PTER: variants seen among roughly 807,000 people sequenced by gnomAD.
The protein encoded by PTER is N-acetyltaurine hydrolase.
PTER carries 38 observed loss-of-function variants against 29.6 expected under a neutral mutation model. The ratio of observed to expected loss-of-function variants is 1.28; its 90% CI spans 0.99 to 1.68. The LOEUF (loss-of-function observed/expected upper bound fraction) is 1.68. PTER is among the 40% of genes most tolerant of loss of function. PTER has a pLI of 0.00. For synonymous variants in PTER, 172 were observed against 154.5 expected (o/e 1.11, Z -0.84); for missense variants, 482 against 427.8 (o/e 1.13, Z -1.12).
At chr10:16,496,446 G>A (rs968622378) in intron 3 of PTER, among the ~76,000 whole-genome samples, 5 of 152,166 alleles carry the variant, frequency 3.3e-5, no homozygotes, top group Non-Finnish European at 7.3e-5. Flanking sequence ...CCCTGTATTG[G>A]TTGTCCTTAT....
chr10:16,487,579 T>G (rs546608147), intron 3 of PTER, among the ~76,000 whole-genome samples: 11 of 152,332 alleles, frequency 7.2e-5, no homozygotes, highest in African/African-American at 2.6e-4. Flanking sequence ...AGTTAGAATA[T>G]GGACCTATCT....
At chr10:16,469,881 T>G (rs1006967541) in intron 1 of PTER, among the ~76,000 whole-genome samples, 5 of 139,054 alleles carry the variant, frequency 3.6e-5, no homozygotes, top group Non-Finnish European at 6.0e-5. Context: ...TGCCTGGCTG[T>G]TTTTTTTGTT....
chr10:16,456,045 G>A (rs1030928752), intron 1 of PTER, among the ~76,000 whole-genome samples: 1 of 152,180 alleles, frequency 6.6e-6, no homozygotes, highest in South Asian at 2.1e-4. Flanking sequence ...CCGGAATGCT[G>A]TGATTTGCCA....
chr10:16,463,198 TAAAAAAAAAAAAA>T (rs535136619), intron 1 of PTER, among the ~76,000 whole-genome samples: 1,591 of 79,414 alleles, frequency 0.02, 32 homozygotes, highest in African/African-American at 0.051. Flanking sequence ...AGACTCTGTC[TAAAAAAAAAAAAA>T]AAAAAAAAAA....
intron 3 of PTER, among the ~76,000 whole-genome samples, chr10:16,488,603 GGA>G (rs35122897): frequency 3.4e-4 from 45 of 133,862 alleles, no homozygotes; most frequent in Non-Finnish European, 3.7e-4. Context: ...ATATATATAT[GGA>G]GAGAGAGAGA....
intron 1 of PTER, among the ~76,000 whole-genome samples, chr10:16,478,847 G>T (rs1188762497): frequency 6.6e-6 from 1 of 152,010 alleles, no homozygotes; most frequent in East Asian, 1.9e-4. Flanking sequence ...GTGTTTTCTG[G>T]GTTTTCAAAT....
intron 1 of PTER, among the ~76,000 whole-genome samples, chr10:16,460,465 C>T (rs74480513): frequency 1.5e-3 from 235 of 152,210 alleles, no homozygotes; most frequent in African/African-American, 5.3e-3. Context: ...TTTATTCCAG[C>T]TCAAAAATTC....
Position 16,505,035 on chromosome 10 carries a change from G to A in PTER, c.714G>A (p.Lys238=), listed in dbSNP as rs1161738767. ...MSHLDRTILD[K]KELLEFAQLG... is the part of the protein sequence containing the mutation. ...TTGTTTCTAGGACTATTCTTGATAA[G>A]AAAGAGCTCTTGGAGTTTGCTCAAC... Residue 238 remains lysine (K), a synonymous_variant, in exon 4 of 5, where the codon AAG becomes AAA. Coordinates refer to ENST00000535784, the MANE Select transcript of PTER (RefSeq NM_001261836.2). 3.7e-6 allele frequency: 6 copies of A among 1,613,752 alleles called. No homozygotes were observed. The highest frequency in any genetic ancestry group is 1.7e-5 in the Admixed American group (1 of 59,986).
At chr10:16,478,678 A>AC (rs1169601360) in intron 1 of PTER, among the ~76,000 whole-genome samples, 3 of 152,008 alleles carry the variant, frequency 2.0e-5, no homozygotes, top group Non-Finnish European at 4.4e-5. Context: ...CACTAAACAG[A>AC]GAAATTTGGG....
intron 1 of PTER, among the ~76,000 whole-genome samples, chr10:16,463,008 A>G (rs1169720278): frequency 1.3e-5 from 2 of 148,862 alleles, no homozygotes; most frequent in African/African-American, 2.5e-5. Flanking sequence ...CCTGGCTAAC[A>G]TGGTGAAACC....
chr10:16,457,873 T>C (rs1424375072), intron 1 of PTER, among the ~76,000 whole-genome samples: 4 of 152,202 alleles, frequency 2.6e-5, no homozygotes, highest in Non-Finnish European at 4.4e-5. Flanking sequence ...CCTCCCAAAG[T>C]GCTGAGATTA....
intron 4 of PTER, 151 bp from the exon 5 acceptor site, chr10:16,510,895 A>G (rs896437342): frequency 4.6e-6 from 3 of 648,874 alleles, no homozygotes; most frequent in South Asian, 3.8e-5. Context: ...TCACCACACA[A>G]TATTTATTAA....
intron 1 of PTER, among the ~76,000 whole-genome samples, chr10:16,462,570 C>CTTTTTTT (rs1293360557): frequency 7.9e-6 from 1 of 126,972 alleles, no homozygotes; most frequent in East Asian, 2.3e-4. Context: ...ACATAATCTA[C>CTTTTTTT]TTTTTTTTTT....
chr10:16,461,330 A>G (rs576432050), intron 1 of PTER, among the ~76,000 whole-genome samples: 1 of 151,716 alleles, frequency 6.6e-6, no homozygotes, highest in African/African-American at 2.4e-5. Flanking sequence ...ATTTAATTAC[A>G]TATATAATTA....
intron 1 of PTER, among the ~76,000 whole-genome samples, chr10:16,465,184 G>A (rs568879399): frequency 2.6e-4 from 40 of 152,194 alleles, no homozygotes; most frequent in African/African-American, 9.4e-4. Flanking sequence ...ACTGCACTCT[G>A]CTTTGTATCG....
At chr10:16,484,309 A>T in intron 1 of PTER, 28 bp from the exon 2 acceptor site, 2 of 1,319,282 alleles carry the variant, frequency 1.5e-6, no homozygotes, top group Non-Finnish European at 2.1e-6. Context: ...TTCTGATTGT[A>T]GTTGTTTGTT....
At chr10:16,452,228 TAC>T (rs1834238941) in intron 1 of PTER, among the ~76,000 whole-genome samples, 14 of 77,486 alleles carry the variant, frequency 1.8e-4, no homozygotes, top group Non-Finnish European at 2.7e-4. Context: ...CACATATATA[TAC>T]ATATACATAT....
At chr10:16,502,847 G>C (rs557227110) in intron 3 of PTER, among the ~76,000 whole-genome samples, 1 of 151,716 alleles carries the variant, frequency 6.6e-6, no homozygotes, top group East Asian at 2.0e-4. Context: ...CAATTAGCCG[G>C]GAGCAGTGGC....
intron 3 of PTER, among the ~76,000 whole-genome samples, chr10:16,487,855 A>AATAT (rs1835761449): frequency 6.6e-6 from 1 of 152,172 alleles, no homozygotes. Context: ...ATCAGACCAG[A>AATAT]CAGATTGCTA....
Sources: allele counts gnomAD v4.1 joint callset (sites outside exome capture counted in the v4.1 genomes callset), GRCh38; gene constraint gnomAD v4.1.1; transcripts MANE v1.5; gene names NCBI Gene and HGNC (gene_info 2026-07-23, HGNC 2026-07-21).